Variants in SLCO4C1 observed in about 807,000 individuals in gnomAD.
SLCO4C1 encodes organic anion transporter M1.
SLCO4C1 carries 58 observed loss-of-function variants against 72.1 expected under a neutral mutation model. The observed-to-expected ratio is 0.80, with a 90% CI of 0.65 to 1.00. The LOEUF (loss-of-function observed/expected upper bound fraction) is 1.00. Ranked by LOEUF, SLCO4C1 falls within the 50% of genes least tolerant of loss-of-function variation. SLCO4C1 has a pLI of 0.00. For missense variants in SLCO4C1, 898 were observed against 857.9 expected (o/e 1.05, Z -0.58); for synonymous variants, 297 against 312.5 (o/e 0.95, Z 0.52).
chr5:102,235,735 A>G lies in SLCO4C1; in HGVS notation c.*1123T>C, dbSNP rs1224917554. On this transcript the variant is annotated 3_prime_UTR_variant, in exon 13 of 13. Coordinates refer to ENST00000310954, the MANE Select transcript of SLCO4C1 (RefSeq NM_180991.5). ...TGGGAACTGCACATGCAAGGGATCT[A>G]GGTTGCACTCTCCTTATGAGAATCT... is the stretch of plus-strand genomic sequence containing the variant. The G allele has an allele frequency of 6.6e-6, 1 of 152,234 alleles. No homozygotes were observed. The highest frequency in any genetic ancestry group is 1.5e-5 in the Non-Finnish European group (1 of 68,058). The allele number at this position is 152,234 out of a possible 1,614,324, so 9.4% of individuals were successfully genotyped here. A position where few individuals can be genotyped will look rare whatever the true frequency, so the allele number is the denominator to read the frequency against.
intron 2 of SLCO4C1, among the ~76,000 whole-genome samples, chr5:102,281,830 C>G (rs904286423): frequency 6.6e-6 from 1 of 152,072 alleles, no homozygotes; most frequent in Admixed American, 6.6e-5. Context: ...TACAGTGAAT[C>G]TGGAAAACAG....
chr5:102,262,181 C>A, intron 4 of SLCO4C1, 148 bp from the exon 5 acceptor site: 1 of 514,302 alleles, frequency 1.9e-6, no homozygotes, highest in South Asian at 8.1e-5. Context: ...TGCAAAGAAT[C>A]AGAAAACAGG....
chr5:102,287,534 C>CTTTTTTTT (rs148132091), intron 2 of SLCO4C1, among the ~76,000 whole-genome samples: 2 of 79,970 alleles, frequency 2.5e-5, no homozygotes, highest in Non-Finnish European at 4.6e-5. Context: ...TTTTTCACTT[C>CTTTTTTTT]TTTTTTTTTT....
intron 3 of SLCO4C1, among the ~76,000 whole-genome samples, chr5:102,265,668 T>C (rs1247991838): frequency 6.6e-6 from 1 of 152,186 alleles, no homozygotes; most frequent in Non-Finnish European, 1.5e-5. Flanking sequence ...CATTGGTCAA[T>C]GTGTCTGTTT....
At chr5:102,284,886 A>C (rs17148731) in intron 2 of SLCO4C1, among the ~76,000 whole-genome samples, 17,691 of 152,134 alleles carry the variant, frequency 0.12, 1,220 homozygotes, top group African/African-American at 0.15. Flanking sequence ...TCTATTTCAG[A>C]AGTTTGGTCA....
At chr5:102,255,792 TA>T (rs11336592) in intron 8 of SLCO4C1, among the ~76,000 whole-genome samples, 61,727 of 151,232 alleles carry the variant, frequency 0.41, 13,076 homozygotes, top group African/African-American at 0.48. Flanking sequence ...CAATTTTTTT[TA>T]ATCTCCCATT....
At chr5:102,282,074 A>G (rs898376574) in intron 2 of SLCO4C1, among the ~76,000 whole-genome samples, 1 of 152,096 alleles carries the variant, frequency 6.6e-6, no homozygotes, top group Non-Finnish European at 1.5e-5. Context: ...TCAGCAGTAG[A>G]AAGAACAGAA....
In SLCO4C1 at chr5:102,265,555, G is replaced by T. The variant is rs1041866817; in HGVS notation, c.803-1775C>A. Among the ~76,000 whole-genome samples, 5 of 152,186 alleles carry T rather than the reference G, an allele frequency of 3.3e-5. No individual in the cohort carries two copies. In the East Asian group the frequency reaches 7.7e-4, roughly 23 times the overall value. On this transcript the variant is annotated intron_variant, in intron 3 of 12. Coordinates refer to ENST00000310954, the MANE Select transcript of SLCO4C1 (RefSeq NM_180991.5). ...TGCATATCAATATCCAGTTATTACA[G>T]CACCATTTATTAAAGAGTCCCCAGT...
intron 2 of SLCO4C1, among the ~76,000 whole-genome samples, chr5:102,278,899 T>A (rs1165833073): frequency 6.7e-6 from 1 of 149,676 alleles, no homozygotes; most frequent in Non-Finnish European, 1.5e-5. Flanking sequence ...AAAATAAAAA[T>A]AAAATCAATA....
rs528685188 is a variant in SLCO4C1 at position 102,259,273 on chromosome 5, A to G, written c.1128+940T>C. 2.0e-5 allele frequency among the ~76,000 whole-genome samples: 3 copies of G among 152,254 alleles called. No homozygotes were observed. The South Asian group carries it at 6.2e-4, about 32-fold the overall frequency. ...TTGAAATCAGAATAGAGAGATCTCTAAGCAGGAGGACACAAGGACAAAAAA... is the reference window on the plus strand; with the variant it reads ...TTGAAATCAGAATAGAGAGATCTCTGAGCAGGAGGACACAAGGACAAAAAA... On this transcript the variant is annotated intron_variant, in intron 6 of 12. Transcript: ENST00000310954.
intron 2 of SLCO4C1, among the ~76,000 whole-genome samples, chr5:102,284,125 G>C (rs1349230107): frequency 6.6e-6 from 1 of 151,912 alleles, no homozygotes; most frequent in Non-Finnish European, 1.5e-5. Flanking sequence ...ATGAAGAAGA[G>C]AGAGAAAGAG....
chr5:102,292,116 C>T (rs1003560273), intron 1 of SLCO4C1, among the ~76,000 whole-genome samples: 10 of 152,244 alleles, frequency 6.6e-5, no homozygotes, highest in East Asian at 1.9e-4. Flanking sequence ...TGAGCCAACG[C>T]GCCTGGCCCA....
At chr5:102,245,937 G>T (rs762741977) in intron 10 of SLCO4C1, among the ~76,000 whole-genome samples, 2 of 151,990 alleles carry the variant, frequency 1.3e-5, no homozygotes, top group Non-Finnish European at 2.9e-5. Flanking sequence ...ACTCCTGAAT[G>T]ACTAGTGGGT....
At chr5:102,258,182 A>G in intron 6 of SLCO4C1, 95 bp from the exon 7 acceptor site, 1 of 1,013,240 alleles carries the variant, frequency 9.9e-7, no homozygotes, top group Non-Finnish European at 1.4e-6. Flanking sequence ...ACAAAATTTT[A>G]CAATCATCTG....
intron 2 of SLCO4C1, among the ~76,000 whole-genome samples, chr5:102,285,061 T>G (rs1749424902): frequency 6.6e-6 from 1 of 152,136 alleles, no homozygotes; most frequent in Non-Finnish European, 1.5e-5. Flanking sequence ...GACACTAAAA[T>G]GGACATGTAT....
At chr5:102,295,712 C>A (rs559900947) in intron 1 of SLCO4C1, among the ~76,000 whole-genome samples, 196 bp downstream of exon 1, 1 of 152,352 alleles carries the variant, frequency 6.6e-6, no homozygotes, top group South Asian at 2.1e-4. Flanking sequence ...AAAGGAGAAG[C>A]TGAACTTTGG....
chr5:102,295,424 G>T (rs950046086), intron 1 of SLCO4C1, among the ~76,000 whole-genome samples: 1 of 152,246 alleles, frequency 6.6e-6, no homozygotes, highest in Non-Finnish European at 1.5e-5. Context: ...TAATTTATAC[G>T]ATAGATTTTT....
chr5:102,254,688 T>C (rs577499160), intron 8 of SLCO4C1, among the ~76,000 whole-genome samples: 4 of 152,326 alleles, frequency 2.6e-5, no homozygotes, highest in South Asian at 4.1e-4. Flanking sequence ...TGTCAGCATG[T>C]TTCAGCAATA....
intron 2 of SLCO4C1, among the ~76,000 whole-genome samples, chr5:102,286,532 A>C (rs1749455802): frequency 1.3e-5 from 2 of 152,166 alleles, no homozygotes; most frequent in Non-Finnish European, 2.9e-5. Context: ...ATGTTGAAGT[A>C]AGTCAAAATG....
Sources: allele counts gnomAD v4.1 joint callset (sites outside exome capture counted in the v4.1 genomes callset), GRCh38; gene constraint gnomAD v4.1.1; transcripts MANE v1.5; gene names NCBI Gene and HGNC (gene_info 2026-07-23, HGNC 2026-07-21).